FAM200C: variants seen among roughly 807,000 people sequenced by gnomAD.
chr5:160,394,111 T>C, the FAM200C span: 30 of 1,613,424 alleles, frequency 1.9e-5, no homozygotes, highest in Non-Finnish European at 2.5e-5. Flanking sequence ...TGGAAAAATA[T>C]CCATGGAAGA....
the FAM200C span, among the ~76,000 whole-genome samples, chr5:160,398,572 T>C: frequency 3.3e-5 from 5 of 152,228 alleles, no homozygotes; most frequent in African/African-American, 1.2e-4. Flanking sequence ...TTACAAGATC[T>C]GTTAAGAGTC....
the FAM200C span, among the ~76,000 whole-genome samples, chr5:160,399,257 G>C: frequency 1.3e-5 from 2 of 152,160 alleles, no homozygotes; most frequent in African/African-American, 4.8e-5. Context: ...ATGAAGGGTA[G>C]ATATGAAAAA....
the FAM200C span, chr5:160,393,851 C>T: frequency 1.9e-6 from 3 of 1,613,718 alleles, no homozygotes; most frequent in Non-Finnish European, 2.5e-6. Context: ...TGATGAAAAT[C>T]CCAACTCACA....
At chr5:160,398,780 T>G in the FAM200C span, among the ~76,000 whole-genome samples, 1 of 152,188 alleles carries the variant, frequency 6.6e-6, no homozygotes, top group Non-Finnish European at 1.5e-5. Context: ...CCTCACAATT[T>G]GCACTTGCGC....
At chr5:160,397,400 G>A in the FAM200C span, 1 of 152,104 alleles carries the variant, frequency 6.6e-6, no homozygotes, top group Non-Finnish European at 1.5e-5. Flanking sequence ...TCTCCCTTTA[G>A]CAACGAGTAA....
chr5:160,394,041 A>G, the FAM200C span: 1 of 1,611,722 alleles, frequency 6.2e-7, no homozygotes, highest in South Asian at 1.1e-5. Context: ...TCATCAACAA[A>G]ATCGATATTA....
At chr5:160,397,706 G>A in the FAM200C span, among the ~76,000 whole-genome samples, 8 of 152,314 alleles carry the variant, frequency 5.3e-5, no homozygotes, top group African/African-American at 1.2e-4. Flanking sequence ...CTGTTAAATT[G>A]GAGGATGTCT....
chr5:160,398,463 G>T, the FAM200C span, among the ~76,000 whole-genome samples: 1 of 152,156 alleles, frequency 6.6e-6, no homozygotes, highest in Non-Finnish European at 1.5e-5. Context: ...CTTGATCTGG[G>T]AGGCAGAGGT....
At chr5:160,394,620 G>C in the FAM200C span, 2 of 1,614,144 alleles carry the variant, frequency 1.2e-6, no homozygotes, top group Admixed American at 1.7e-5. Flanking sequence ...ACAGTAAACA[G>C]AGCATCCCTC....
chr5:160,393,667 TATTAAG>T, the FAM200C span: 1 of 1,318,146 alleles, frequency 7.6e-7, no homozygotes, highest in South Asian at 1.3e-5. Context: ...TTTACAATGA[TATTAAG>T]ATTGAAATTA....
the FAM200C span, chr5:160,394,913 C>T: frequency 5.8e-5 from 93 of 1,612,888 alleles, no homozygotes; most frequent in African/African-American, 6.5e-4. Flanking sequence ...TTTTATATAG[C>T]GCACAAATGC....
the FAM200C span, chr5:160,394,458 C>A: frequency 6.2e-7 from 1 of 1,613,796 alleles, no homozygotes; most frequent in Non-Finnish European, 8.5e-7. Context: ...TCATACATTT[C>A]AAAAATGTGA....
chr5:160,396,157 C>G, the FAM200C span, among the ~76,000 whole-genome samples: 1 of 152,072 alleles, frequency 6.6e-6, no homozygotes, highest in East Asian at 1.9e-4. Context: ...CTCTTCCACC[C>G]CACCCTTCCA....
At chr5:160,395,387 G>T in the FAM200C span, 1 of 1,613,984 alleles carries the variant, frequency 6.2e-7, no homozygotes. Context: ...TGAAAATACT[G>T]AGTTACACAA....
At chr5:160,395,523 G>A in the FAM200C span, 3 of 1,569,952 alleles carry the variant, frequency 1.9e-6, no homozygotes, top group Non-Finnish European at 2.6e-6. Context: ...GTATTCCAGA[G>A]ATGCCACAGA....
the FAM200C span, chr5:160,394,660 T>C: frequency 7.8e-5 from 126 of 1,613,964 alleles, no homozygotes; most frequent in Non-Finnish European, 2.5e-6. Flanking sequence ...TTATGACAAG[T>C]GCATGAGGAT....
chr5:160,396,412 C>A, the FAM200C span, among the ~76,000 whole-genome samples: 1 of 152,040 alleles, frequency 6.6e-6, no homozygotes, highest in East Asian at 1.9e-4. Context: ...TTCCTTGCTG[C>A]TAAGTGTAAC....
At chr5:160,395,569 A>G in the FAM200C span, 1 of 1,135,224 alleles carries the variant, frequency 8.8e-7, no homozygotes, top group Non-Finnish European at 1.3e-6. Flanking sequence ...CCCACACATT[A>G]AAAACCAGTG....
chr5:160,394,834 C>T, the FAM200C span: 2 of 1,613,584 alleles, frequency 1.2e-6, no homozygotes, highest in South Asian at 1.1e-5. Flanking sequence ...AGAGATTGAA[C>T]ACATCTATTC....
Sources: allele counts gnomAD v4.1 joint callset (sites outside exome capture counted in the v4.1 genomes callset), GRCh38; gene constraint gnomAD v4.1.1; transcripts MANE v1.5.